GTF3C3: variants seen among roughly 807,000 people sequenced by gnomAD.
GTF3C3 encodes general transcription factor 3C polypeptide 3.
A neutral mutation model predicts 105.2 loss-of-function variants in GTF3C3; 75 were observed. That is an observed-to-expected ratio of 0.71 (90% CI 0.59 to 0.86). The LOEUF is 0.86. Ranked by LOEUF, GTF3C3 falls within the 40% of genes least tolerant of loss-of-function variation. GTF3C3 has a pLI of 0.00. For synonymous variants in GTF3C3, 335 were observed against 370.4 expected (o/e 0.90, Z 1.10); for missense variants, 856 against 1,076.5 (o/e 0.80, Z 2.87).
chr2:196,775,959 TA>T, intron 12 of GTF3C3, 50 bp downstream of exon 12: 2 of 791,010 alleles, frequency 2.5e-6, no homozygotes, highest in Non-Finnish European at 4.1e-6. Flanking sequence ...AATGAAATAC[TA>T]AACATTTAAA....
chr2:196,790,561 G>T (rs1220567458), intron 4 of GTF3C3, among the ~76,000 whole-genome samples: 1 of 152,088 alleles, frequency 6.6e-6, no homozygotes, highest in Non-Finnish European at 1.5e-5. Context: ...AAAATTCAAA[G>T]ATTATGAAGT....
In GTF3C3 at chr2:196,764,119, T is replaced by TATC. The variant is rs1186822309; in HGVS notation, c.*441_*443dup. 6.6e-6 allele frequency: 1 copy of TATC among 152,386 alleles called. No individual in the cohort carries two copies. The highest frequency in any genetic ancestry group is 2.4e-5 in the African/African-American group (1 of 41,480). The allele number at this position is 152,386 out of a possible 1,614,324, so 9.4% of individuals were successfully genotyped here. On this transcript the variant is annotated 3_prime_UTR_variant, in exon 18 of 18. Coordinates refer to ENST00000263956, the MANE Select transcript of GTF3C3 (RefSeq NM_012086.5). ...TAAATAATTTTCTTAGGTGCTTAGT[T>TATC]ATCATGGTCATGACATCATAAAGAG...
chr2:196,766,790 G>A (rs1013623186), intron 16 of GTF3C3, 73 bp from the exon 17 acceptor site: 9 of 1,147,124 alleles, frequency 7.8e-6, no homozygotes, highest in South Asian at 1.6e-5. Context: ...TGTATTACCA[G>A]GTGCTGAAAA....
chr2:196,789,853 T>G, intron 5 of GTF3C3, 26 bp downstream of exon 5: 1 of 1,207,614 alleles, frequency 8.3e-7, no homozygotes, highest in South Asian at 1.5e-5. Flanking sequence ...CTTGTAAAAG[T>G]GAAAAAAAAA....
In GTF3C3 at chr2:196,790,394, C is replaced by T. The variant is rs201634608; in HGVS notation, c.536-324G>A. On this transcript the variant is annotated intron_variant, in intron 4 of 17. Coordinates refer to ENST00000263956, the MANE Select transcript of GTF3C3 (RefSeq NM_012086.5). Reference sequence around the variant, plus strand: ...ATGGCTCAATATCAGCAAGTTCATCCTAATAAACACCAGCCACATCAGTGG... The same window carrying T: ...ATGGCTCAATATCAGCAAGTTCATCTTAATAAACACCAGCCACATCAGTGG... Among the ~76,000 whole-genome samples, 7 of 152,248 alleles carry T rather than the reference C, an allele frequency of 4.6e-5. No individual in the cohort carries two copies. The South Asian group carries it at 8.3e-4, about 18-fold the overall frequency.
intron 15 of GTF3C3, 97 bp from the exon 16 acceptor site, chr2:196,770,136 A>G (rs1289400975): frequency 9.6e-7 from 1 of 1,037,878 alleles, no homozygotes; most frequent in African/African-American, 1.7e-5. Context: ...TTTAACATAC[A>G]TAAGGTGGAC....
In GTF3C3 at chr2:196,789,939, G is replaced by A. The variant is rs761448053; in HGVS notation, c.667C>T (p.Leu223=). The A allele has an allele frequency of 6.2e-7, 1 of 1,613,242 alleles. No individual in the cohort carries two copies. The highest frequency in any genetic ancestry group is 1.7e-5 in the Admixed American group (1 of 59,966). The change falls in exon 5 of 18, where the codon CTG becomes TTG. Residue 223 remains leucine, a synonymous_variant. Transcript: ENST00000263956. ...NPSDTEEWVR[L]AEMSLEQDNI... ...TCTTGTTCCAGAGACATTTCTGCCA[G>A]TCTAACCCATTCTTCTGTGTCACTG...
chr2:196,780,397 T>G, intron 9 of GTF3C3, 162 bp downstream of exon 9: 1 of 1,277,744 alleles, frequency 7.8e-7, no homozygotes, highest in Non-Finnish European at 1.0e-6. Flanking sequence ...ACAATTTTAG[T>G]TTTTATAAGA....
chr2:196,778,562 C>G, intron 10 of GTF3C3: 1 of 254,876 alleles, frequency 3.9e-6, no homozygotes, highest in Non-Finnish European at 7.6e-6. Context: ...AAATATAAAT[C>G]TATAAAAACT....
chr2:196,771,806 G>T lies in GTF3C3; in HGVS notation c.2202C>A (p.Ala734=), dbSNP rs1449543569. ...RLMLKNPENH[A]LCVLNGHNAF... ...CATTGTGTCCATTTAAGACACATAG[G>T]GCATGATTTTCTGGGTTTTTCAGCA... The change falls in exon 15 of 18, where the codon GCC becomes GCA. Residue 734 remains alanine, a synonymous_variant. Transcript: ENST00000263956. 2.5e-6 allele frequency: 4 copies of T among 1,613,140 alleles called. No homozygotes were observed. In the African/African-American group the frequency reaches 5.3e-5, roughly 22 times the overall value.
In GTF3C3 at chr2:196,763,315, T is replaced by A. The variant is rs933322614; in HGVS notation, c.*1248A>T. The stretch of plus-strand genomic sequence containing the variant: ...CTGGAGCCACAGTCCAGTGAGCTAA[T>A]TTAAGAGAGAAACTCGGAGCACAGA... On this transcript the variant is annotated 3_prime_UTR_variant, in exon 18 of 18. Transcript: ENST00000263956. 1 of 152,186 alleles carries A rather than the reference T, an allele frequency of 6.6e-6. No individual in the cohort carries two copies. The allele number at this position is 152,186 out of a possible 1,614,324, so 9.4% of individuals were successfully genotyped here. A position where few individuals can be genotyped will look rare whatever the true frequency, so the allele number is the denominator to read the frequency against.
At chr2:196,765,946 C>A (rs1257470778) in intron 17 of GTF3C3, among the ~76,000 whole-genome samples, 1 of 138,506 alleles carries the variant, frequency 7.2e-6, no homozygotes, top group Non-Finnish European at 1.5e-5. Context: ...GGAGGCGGAG[C>A]TTGCAGTGAG....
chr2:196,775,984 T>C (rs751385968), intron 12 of GTF3C3, 26 bp downstream of exon 12: 1 of 1,054,926 alleles, frequency 9.5e-7, no homozygotes, highest in African/African-American at 1.6e-5. Context: ...TCAACAAGGC[T>C]AACATAAAGA....
chr2:196,798,534 A>G (rs1457416622), intron 1 of GTF3C3, among the ~76,000 whole-genome samples: 1 of 151,868 alleles, frequency 6.6e-6, no homozygotes, highest in African/African-American at 2.4e-5. Context: ...AAAATAAAAT[A>G]AAATAAAATA....
intron 2 of GTF3C3, 21 bp from the exon 3 acceptor site, chr2:196,793,173 GGGGGA>G: frequency 1.3e-6 from 2 of 1,526,308 alleles, no homozygotes; most frequent in Non-Finnish European, 1.8e-6. Context: ...AGACATTGAT[GGGGGA>G]GGGGTGGGGA....
At chr2:196,780,703 C>G in intron 8 of GTF3C3, 41 bp from the exon 9 acceptor site, 1 of 1,586,430 alleles carries the variant, frequency 6.3e-7, no homozygotes, top group Non-Finnish European at 8.6e-7. Flanking sequence ...TATATGCAAG[C>G]TTGAGATGTG....
Position 196,791,469 on chromosome 2 carries a change from A to C in GTF3C3, c.412-9T>G. On this transcript the variant is annotated splice_polypyrimidine_tract_variant and intron_variant, in intron 3 of 17. Transcript: ENST00000263956. ...CTCCGAGGCCTTTTCTCCTGTATGGAAGAAAAATGACATTTAGATTAAAAT... is the reference window on the plus strand; with the variant it reads ...CTCCGAGGCCTTTTCTCCTGTATGGCAGAAAAATGACATTTAGATTAAAAT... The C allele has an allele frequency of 6.2e-7, 1 of 1,605,064 alleles. No homozygotes were observed. The highest frequency in any genetic ancestry group is 8.5e-7 in the Non-Finnish European group (1 of 1,174,220).
intron 9 of GTF3C3, 129 bp downstream of exon 9, chr2:196,780,430 G>A: frequency 7.5e-6 from 10 of 1,329,692 alleles, no homozygotes; most frequent in Non-Finnish European, 9.7e-6. Flanking sequence ...ATTATTTGAT[G>A]CTTATTGTTA....
chr2:196,768,263 C>T (rs1356256735), intron 16 of GTF3C3, among the ~76,000 whole-genome samples: 5 of 152,210 alleles, frequency 3.3e-5, no homozygotes, highest in African/African-American at 1.2e-4. Context: ...AAGTGATCCA[C>T]CCGCCTCGGC....
Sources: allele counts gnomAD v4.1 joint callset (sites outside exome capture counted in the v4.1 genomes callset), GRCh38; gene constraint gnomAD v4.1.1; transcripts MANE v1.5; gene names NCBI Gene and HGNC (gene_info 2026-07-23, HGNC 2026-07-21).